The following CSMD1 variants were observed in gnomAD, a reference collection of about 807,000 sequenced individuals.
CSMD1 encodes the protein CUB and sushi domain-containing protein 1.
CSMD1 carries 213 observed loss-of-function variants against 417.5 expected under a neutral mutation model. The observed-to-expected ratio is 0.51, with a 90% CI of 0.46 to 0.57. The LOEUF (loss-of-function observed/expected upper bound fraction) is 0.57, where lower values mean the gene tolerates loss of function less well. Ranked by LOEUF, CSMD1 falls within the 20% of genes least tolerant of loss-of-function variation. The pLI, the probability that CSMD1 is intolerant of heterozygous loss-of-function variation, is 0.00. For missense variants in CSMD1, 6,923 were observed against 4,529.7 expected, an observed-to-expected ratio of 1.53 and a Z score of -15.17; for synonymous variants, 2,862 against 1,736.8, an observed-to-expected ratio of 1.65 and a Z score of -16.11.
chr8:4,544,575 A>T (rs1216426694), intron 2 of CSMD1, among the ~76,000 whole-genome samples: 4 of 152,188 alleles, frequency 2.6e-5, no homozygotes, highest in African/African-American at 9.6e-5. Flanking sequence ...GGAAAAATTT[A>T]TATATTAATC....
chr8:4,148,456 C>T (rs1424489738), intron 3 of CSMD1, among the ~76,000 whole-genome samples: 5 of 151,874 alleles, frequency 3.3e-5, no homozygotes, highest in Non-Finnish European at 7.4e-5. Flanking sequence ...CAACATGGCA[C>T]ATGTATACAT....
intron 37 of CSMD1, among the ~76,000 whole-genome samples, chr8:3,165,830 C>A (rs1237848832): frequency 6.6e-6 from 1 of 152,026 alleles, no homozygotes; most frequent in Non-Finnish European, 1.5e-5. Flanking sequence ...GAACTCTGAG[C>A]TTTTTGGGAA....
chr8:3,235,291 C>G (rs539102981), intron 26 of CSMD1, among the ~76,000 whole-genome samples: 30 of 152,230 alleles, frequency 2.0e-4, no homozygotes, highest in African/African-American at 6.0e-4. Context: ...GTTTTCATTT[C>G]TCATTCCCAT....
chr8:3,030,674 G>T (rs1185970161), intron 50 of CSMD1, among the ~76,000 whole-genome samples: 1 of 151,894 alleles, frequency 6.6e-6, no homozygotes, highest in Non-Finnish European at 1.5e-5. Context: ...TAGTAGAAAT[G>T]GGGTTTCACC....
intron 5 of CSMD1, among the ~76,000 whole-genome samples, chr8:3,772,861 C>T (rs911810994): frequency 6.6e-6 from 1 of 151,954 alleles, no homozygotes; most frequent in African/African-American, 2.4e-5. Flanking sequence ...GCACCACATC[C>T]TTAGTGCATT....
chr8:4,699,761 G>A (rs572415048), intron 1 of CSMD1, among the ~76,000 whole-genome samples: 1 of 152,302 alleles, frequency 6.6e-6, no homozygotes, highest in South Asian at 2.1e-4. Flanking sequence ...AGTGTTTCAT[G>A]GTTAGTTTGT....
intron 1 of CSMD1, among the ~76,000 whole-genome samples, chr8:4,976,031 A>G (rs1810543466): frequency 6.6e-6 from 1 of 152,212 alleles, no homozygotes; most frequent in Non-Finnish European, 1.5e-5. Flanking sequence ...GCTTTTGTTT[A>G]CTTGCAGGTA....
chr8:3,995,623 C>G (rs140639739), intron 5 of CSMD1, among the ~76,000 whole-genome samples: 164 of 152,318 alleles, frequency 1.1e-3, no homozygotes, highest in African/African-American at 3.5e-3. Context: ...ATCAGCTTTG[C>G]CATCTCTTGT....
chr8:3,155,385 T>TTTTTTTTTTTTTTTTTTTTTTAA (rs1491170504), intron 39 of CSMD1, among the ~76,000 whole-genome samples: 1 of 108,916 alleles, frequency 9.2e-6, no homozygotes, highest in East Asian at 2.6e-4. Context: ...TTTTTTTTTT[T>TTTTTTTTTTTTTTTTTTTTTTAA]GAGACAGAAT....
intron 18 of CSMD1, 109 bp from the exon 19 acceptor site, chr8:3,369,479 T>C (rs1206787423): frequency 3.2e-6 from 2 of 622,284 alleles, no homozygotes; most frequent in East Asian, 2.8e-5. Flanking sequence ...ACAAATTTAA[T>C]GTCATATCCA....
rs61740651 is a variant in CSMD1 at position 3,219,289 on chromosome 8, G to A, written c.4638C>T (p.Ser1546=). 9.7e-4 allele frequency: 1,548 copies of A among 1,594,958 alleles called. 10 individuals are homozygous for A. In the African/African-American group the frequency reaches 0.018, roughly 19 times the overall value. ...CAATGGCGAACCCTGAAAGGCCCAC[G>A]GAGGCATCACTCCGAAATGCCAGAA... is the stretch of plus-strand genomic sequence containing the variant. ...SLFLAFRSDA[S]VGLSGFAIEF... is the part of the protein sequence containing the mutation. Residue 1546 remains serine, a synonymous_variant, in exon 29 of 70, where the codon TCC becomes TCT. Transcript: ENST00000635120.
At chr8:4,924,267 T>C (rs150237575) in intron 1 of CSMD1, among the ~76,000 whole-genome samples, 82 of 152,178 alleles carry the variant, frequency 5.4e-4, no homozygotes, top group African/African-American at 1.7e-3. Flanking sequence ...TTGTAAACAG[T>C]TTTGTATCAT....
chr8:4,758,822 C>G (rs1433830532), intron 1 of CSMD1, among the ~76,000 whole-genome samples: 2 of 152,164 alleles, frequency 1.3e-5, no homozygotes, highest in Non-Finnish European at 2.9e-5. Context: ...AATCCAACCA[C>G]CTCCCACCAG....
intron 5 of CSMD1, among the ~76,000 whole-genome samples, chr8:3,803,322 A>G (rs781505017): frequency 3.3e-5 from 5 of 152,212 alleles, no homozygotes; most frequent in Non-Finnish European, 7.3e-5. Flanking sequence ...AGATACTGCT[A>G]TACACAAATA....
chr8:3,986,240 A>G lies in CSMD1; in HGVS notation c.818+11663T>C, dbSNP rs78271599. Among the ~76,000 whole-genome samples, 1,273 of 152,214 alleles carry G rather than the reference A, an allele frequency of 8.4e-3. 17 individuals carry two copies. The highest frequency in any genetic ancestry group is 0.028 in the African/African-American group (1,152 of 41,508). On this transcript the variant is annotated intron_variant, in intron 5 of 69. Transcript: ENST00000635120. ...AGACACCAGATGGAGGAAGAGCTTTATAACTTCCCTCGCCTGGCTGAGGGC... is the reference window on the plus strand; with the variant it reads ...AGACACCAGATGGAGGAAGAGCTTTGTAACTTCCCTCGCCTGGCTGAGGGC...
intron 51 of CSMD1, among the ~76,000 whole-genome samples, chr8:3,028,935 A>G (rs1810138184): frequency 6.6e-6 from 1 of 152,200 alleles, no homozygotes; most frequent in South Asian, 2.1e-4. Context: ...AACAGTCTTT[A>G]TTTGAGAACA....
intron 4 of CSMD1, among the ~76,000 whole-genome samples, chr8:4,013,266 A>G (rs1193003205): frequency 6.6e-6 from 1 of 151,814 alleles, no homozygotes; most frequent in Non-Finnish European, 1.5e-5. Flanking sequence ...ACAACCCTCC[A>G]ATTATCCCAT....
At chr8:2,943,137 A>G (rs929617126) in intron 68 of CSMD1, among the ~76,000 whole-genome samples, 7 of 152,230 alleles carry the variant, frequency 4.6e-5, no homozygotes, top group African/African-American at 1.7e-4. Flanking sequence ...GAAATACTCA[A>G]AAATAATTAT....
At chr8:4,037,162 T>C (rs1174417328) in intron 3 of CSMD1, among the ~76,000 whole-genome samples, 1 of 152,256 alleles carries the variant, frequency 6.6e-6, no homozygotes, top group East Asian at 1.9e-4. Context: ...CACATGTGTG[T>C]CAGTGTTCAA....
Sources: allele counts gnomAD v4.1 joint callset (sites outside exome capture counted in the v4.1 genomes callset), GRCh38; gene constraint gnomAD v4.1.1; transcripts MANE v1.5; gene names NCBI Gene and HGNC (gene_info 2026-07-23, HGNC 2026-07-21).